The following DOCK3 variants were observed in gnomAD, a reference collection of about 807,000 sequenced individuals.
DOCK3 encodes the protein dedicator of cytokinesis 3, also known as dedicator of cytokinesis protein 3.
Under a neutral mutation model 265.6 loss-of-function variants are expected in DOCK3, and 60 were observed. That is an observed-to-expected ratio of 0.23 (90% CI 0.18 to 0.28). The LOEUF (loss-of-function observed/expected upper bound fraction) is 0.28, where lower values mean the gene tolerates loss of function less well. Ranked by LOEUF, DOCK3 falls within the 10% of genes least tolerant of loss-of-function variation. DOCK3 has a pLI of 1.00. For missense variants in DOCK3, 1,981 were observed against 2,594.3 expected, an observed-to-expected ratio of 0.76 and a Z score of 5.14; for synonymous variants, 881 against 938.0, an observed-to-expected ratio of 0.94 and a Z score of 1.11.
chr3:51,235,239 A>C (rs2078303485), intron 19 of DOCK3, among the ~76,000 whole-genome samples: 1 of 152,232 alleles, frequency 6.6e-6, no homozygotes, highest in Admixed American at 6.5e-5. Flanking sequence ...AAGCAATCTA[A>C]TGCTAGTTTT....
At chr3:51,371,382 A>G (rs2087665371) in intron 49 of DOCK3, among the ~76,000 whole-genome samples, 1 of 152,238 alleles carries the variant, frequency 6.6e-6, no homozygotes, top group South Asian at 2.1e-4. Context: ...AAAGAAAGCA[A>G]GTCCCTTCTA....
intron 37 of DOCK3, 113 bp from the exon 38 acceptor site, chr3:51,341,124 G>C: frequency 7.6e-7 from 1 of 1,317,196 alleles, no homozygotes; most frequent in African/African-American, 1.5e-5. Flanking sequence ...CCCGACCTGG[G>C]CTGCACATGA....
chr3:51,373,632 A>G (rs1398429004), intron 49 of DOCK3, among the ~76,000 whole-genome samples: 1 of 152,240 alleles, frequency 6.6e-6, no homozygotes, highest in Non-Finnish European at 1.5e-5. Flanking sequence ...GTCACACCAC[A>G]TGTGGCATGG....
chr3:51,172,122 A>G (rs940126314), intron 12 of DOCK3, among the ~76,000 whole-genome samples: 4 of 151,898 alleles, frequency 2.6e-5, no homozygotes, highest in Admixed American at 1.3e-4. Context: ...TATTTTGTCT[A>G]ATTTAAGTAT....
At chr3:51,163,314 CTG>C (rs2086222590) in intron 12 of DOCK3, among the ~76,000 whole-genome samples, 1 of 152,024 alleles carries the variant, frequency 6.6e-6, no homozygotes, top group South Asian at 2.1e-4. Context: ...GTAGAAACTC[CTG>C]TCTGTCTCTG....
chr3:51,007,831 C>CTACA (rs1359989644), intron 5 of DOCK3, among the ~76,000 whole-genome samples: 3 of 152,168 alleles, frequency 2.0e-5, no homozygotes, highest in Non-Finnish European at 4.4e-5. Context: ...TTTCAGCTTT[C>CTACA]TACATATGGC....
chr3:50,783,283 T>C (rs2609001), intron 2 of DOCK3, among the ~76,000 whole-genome samples: 14,366 of 152,244 alleles, frequency 0.094, 841 homozygotes, highest in Non-Finnish European at 0.12. Context: ...TACCAGTTTA[T>C]GTTCTCATCA....
At chr3:51,053,516 G>A (rs746736408) in intron 5 of DOCK3, among the ~76,000 whole-genome samples, 5 of 151,024 alleles carry the variant, frequency 3.3e-5, no homozygotes, top group Non-Finnish European at 7.4e-5. Flanking sequence ...CTGCCTCCCA[G>A]GTTCACACCA....
At chr3:51,019,721 C>T (rs374405536) in intron 5 of DOCK3, among the ~76,000 whole-genome samples, 147 of 27,252 alleles carry the variant, frequency 5.4e-3, no homozygotes, top group African/African-American at 0.036. Context: ...TAAGTGAGAA[C>T]ATGTGTTTGG....
intron 27 of DOCK3, among the ~76,000 whole-genome samples, chr3:51,304,443 C>T (rs1322167833): frequency 6.6e-6 from 1 of 152,058 alleles, no homozygotes; most frequent in African/African-American, 2.4e-5. Context: ...GACCTCCCCT[C>T]CCCCTCCTCC....
chr3:51,068,642 T>C (rs773399237), intron 6 of DOCK3, among the ~76,000 whole-genome samples: 1 of 151,148 alleles, frequency 6.6e-6, no homozygotes, highest in Non-Finnish European at 1.5e-5. Flanking sequence ...TCAAAGGCAC[T>C]TTTCCCAGCG....
intron 9 of DOCK3, among the ~76,000 whole-genome samples, chr3:51,145,671 C>T (rs1199781257): frequency 6.6e-6 from 1 of 152,092 alleles, no homozygotes. Flanking sequence ...CAAGACAGTT[C>T]TTCTTCTTCC....
chr3:50,694,429 G>C (rs1300737738), intron 1 of DOCK3, among the ~76,000 whole-genome samples: 1 of 152,168 alleles, frequency 6.6e-6, no homozygotes, highest in Non-Finnish European at 1.5e-5. Context: ...GTGTATTTTA[G>C]TTCAATAGGG....
chr3:51,305,939 A>G (rs1410821845), intron 27 of DOCK3, among the ~76,000 whole-genome samples: 1 of 141,540 alleles, frequency 7.1e-6, no homozygotes, highest in Non-Finnish European at 1.5e-5. Context: ...TCCCAGGCTC[A>G]AGCGATTCTC....
intron 5 of DOCK3, among the ~76,000 whole-genome samples, chr3:50,989,421 G>A (rs1438597097): frequency 6.6e-6 from 1 of 152,052 alleles, no homozygotes; most frequent in Non-Finnish European, 1.5e-5. Context: ...AGCATTGAGC[G>A]GGAACATGGC....
chr3:51,187,081 C>T (rs1461138140), intron 12 of DOCK3, among the ~76,000 whole-genome samples: 1 of 152,178 alleles, frequency 6.6e-6, no homozygotes, highest in African/African-American at 2.4e-5. Context: ...TTGCACCCTG[C>T]TCCTGGAAAA....
chr3:50,995,891 A>T (rs1400150038), intron 5 of DOCK3, among the ~76,000 whole-genome samples: 1 of 151,958 alleles, frequency 6.6e-6, no homozygotes, highest in African/African-American at 2.4e-5. Context: ...AGTATTGTAG[A>T]TCTCCTTTTT....
At chr3:51,033,680 G>T (rs369468067) in intron 5 of DOCK3, among the ~76,000 whole-genome samples, 1 of 152,088 alleles carries the variant, frequency 6.6e-6, no homozygotes. Flanking sequence ...TTGAGATATC[G>T]GTGGTGTTGG....
intron 9 of DOCK3, among the ~76,000 whole-genome samples, chr3:51,136,988 G>A (rs1009813746): frequency 6.6e-6 from 1 of 151,606 alleles, no homozygotes; most frequent in Non-Finnish European, 1.5e-5. Flanking sequence ...TAACTAACCT[G>A]CACATTGTGC....
Sources: gnomAD v4.1 joint callset for allele counts (sites outside exome capture counted in the v4.1 genomes callset) on GRCh38, gnomAD v4.1.1 for gene constraint, MANE v1.5 for transcripts, NCBI Gene and HGNC (gene_info 2026-07-23, HGNC 2026-07-21) for gene names.